MRGBP: variants seen among roughly 807,000 people sequenced by gnomAD.
MRGBP encodes MRG domain binding protein, also known as MRG/MORF4L-binding protein.
MRGBP carries 5 observed loss-of-function variants against 21.5 expected under a neutral mutation model. That is an observed-to-expected ratio of 0.23 (90% CI 0.12 to 0.49). The LOEUF is 0.49. Among genes scored for constraint, MRGBP ranks in the 20% least tolerant of loss-of-function variants. The probability of loss-of-function intolerance (pLI) is 0.98; values close to 1 mark genes in which losing one functional copy is unlikely to be tolerated. For missense variants in MRGBP, 227 were observed against 277.4 expected (o/e 0.82, Z 1.29); for synonymous variants, 118 against 104.4 (o/e 1.13, Z -0.79).
At chr20:62,798,854 G>A in intron 3 of MRGBP, 121 bp from the exon 4 acceptor site, 3 of 1,576,788 alleles carry the variant, frequency 1.9e-6, no homozygotes, top group Non-Finnish European at 1.7e-6. Flanking sequence ...TGAGAGCAGT[G>A]GCTGGACGGA....
At chr20:62,798,502 A>G (rs761488364) in intron 2 of MRGBP, 85 bp from the exon 3 acceptor site, 3 of 1,137,120 alleles carry the variant, frequency 2.6e-6, no homozygotes, top group African/African-American at 3.1e-5. Context: ...GCCTCTCCCC[A>G]AGTGGCTCTT....
At chr20:62,797,770 C>T (rs1990367775) in intron 2 of MRGBP, among the ~76,000 whole-genome samples, 1 of 152,228 alleles carries the variant, frequency 6.6e-6, no homozygotes, top group African/African-American at 2.4e-5. Flanking sequence ...CCTCGCAGAG[C>T]TTGGAGCTGG....
In MRGBP at chr20:62,801,205, C is replaced by G. The variant is rs1443404577; in HGVS notation, c.*1562C>G. The G allele has an allele frequency of 6.6e-6, 1 of 152,274 alleles. No homozygotes were observed. Among genetic ancestry groups the G allele is most frequent in the Non-Finnish European group, 1.5e-5 (1 of 68,070 alleles). The allele number at this position is 152,274 out of a possible 1,614,324, so 9.4% of individuals were successfully genotyped here. A position where few individuals can be genotyped will look rare whatever the true frequency, so the allele number is the denominator to read the frequency against. ...CCCAGGGAAGCTGCTGGTCTACGGC[C>G]TGCCTGAGCTGTATTCCAAGGGTAG... On this transcript the variant is annotated 3_prime_UTR_variant, in exon 5 of 5. Transcript: ENST00000370487.
chr20:62,796,653 C>T lies in MRGBP; in HGVS notation c.130C>T (p.Leu44=), dbSNP rs1160515833. The change falls in exon 1 of 5, where the codon CTG becomes TTG. Residue 44 remains leucine (L), a synonymous_variant. Transcript: ENST00000370487. ...EVEVCLFHAM[L]GHKPVGVNRH... ...GGAGGTGTGCCTCTTCCACGCCATG[C>T]TGGGCCACAAGCCCGTCGGTGAGCG... 1.5e-6 allele frequency: 2 copies of T among 1,332,042 alleles called. No homozygotes were observed. The highest frequency in any genetic ancestry group is 1.8e-5 in the South Asian group (1 of 56,760). 82.5% of individuals were successfully genotyped at this position (1,332,042 alleles called of 1,614,324 possible).
rs1990386786 is a variant in MRGBP, at chr20:62,798,588, A to T, written c.272A>T (p.His91Leu). Residue 91 changes from histidine (H) to leucine (L), a missense_variant and splice_region_variant, in exon 3 of 5, where the codon CAT becomes CTT. Coordinates refer to ENST00000370487, the MANE Select transcript of MRGBP (RefSeq NM_018270.6). ...LSTMYDMQAL[H>L]ESEILPFPNP... ...ACAAAACTCTCTATTTGATATCAGC[A>T]TGAGTCTGAGATTCTTCCATTCCCG... 1 of 1,612,444 alleles carries T rather than the reference A, an allele frequency of 6.2e-7. No homozygotes were observed. Among genetic ancestry groups the T allele is most frequent in the South Asian group, 1.1e-5 (1 of 91,042 alleles).
chr20:62,798,736 G>A, intron 3 of MRGBP, 68 bp downstream of exon 3: 5 of 1,596,786 alleles, frequency 3.1e-6, no homozygotes, highest in Non-Finnish European at 4.3e-6. Flanking sequence ...GCAGGGAGGT[G>A]AGGGTGAGGA....
rs1990466199 is a variant in MRGBP, at chr20:62,801,590, A to T, written c.*1947A>T. On this transcript the variant is annotated 3_prime_UTR_variant, in exon 5 of 5. Coordinates refer to ENST00000370487, the MANE Select transcript of MRGBP (RefSeq NM_018270.6). Reference sequence around the variant, plus strand: ...GCAGGGCAAAGGGGGGCAAATACTAACACGGGGTGTCACGGGATGGCCAGG... The same window carrying T: ...GCAGGGCAAAGGGGGGCAAATACTATCACGGGGTGTCACGGGATGGCCAGG... The T allele has an allele frequency of 6.6e-6, 1 of 152,488 alleles. No homozygotes were observed. The highest frequency in any genetic ancestry group is 1.5e-5 in the Non-Finnish European group (1 of 68,236). The allele number at this position is 152,488 out of a possible 1,614,324, so 9.4% of individuals were successfully genotyped here.
intron 1 of MRGBP, 48 bp from the exon 2 acceptor site, chr20:62,797,062 T>G (rs62198430): frequency 0.078 from 101,868 of 1,313,868 alleles, 4,317 homozygotes; most frequent in African/African-American, 0.2. Flanking sequence ...CTCCATCCCC[T>G]TTCTCCTCAC....
rs1457563518 is a variant in MRGBP, at chr20:62,796,664, G to A, written c.141G>A (p.Lys47=). 4 of 1,318,612 alleles carry A rather than the reference G, an allele frequency of 3.0e-6. No individual in the cohort carries two copies. The highest frequency in any genetic ancestry group is 1.8e-5 in the South Asian group (1 of 55,042). 81.7% of individuals were successfully genotyped at this position (1,318,612 alleles called of 1,614,324 possible). The change falls in exon 1 of 5, where the codon AAG becomes AAA. Residue 47 remains lysine, a synonymous_variant. Coordinates refer to ENST00000370487, the MANE Select transcript of MRGBP (RefSeq NM_018270.6). ...TCTTCCACGCCATGCTGGGCCACAA[G>A]CCCGTCGGTGAGCGCCCAGGCTGCG... ...VCLFHAMLGH[K]PVGVNRHFHM...
chr20:62,797,106 TC>T lies in MRGBP; in HGVS notation c.149-3del. ...GGTTATCCCGCCGCCCCTCCTCCCC[TC>T]AGGTGTGAACCGACACTTCCACATG... is the stretch of plus-strand genomic sequence containing the variant. On this transcript the variant is annotated splice_polypyrimidine_tract_variant and splice_region_variant and intron_variant, in intron 1 of 4. Coordinates refer to ENST00000370487, the MANE Select transcript of MRGBP (RefSeq NM_018270.6). 1 of 1,513,554 alleles carries T rather than the reference TC, an allele frequency of 6.6e-7. No homozygotes were observed. The highest frequency in any genetic ancestry group is 8.9e-7 in the Non-Finnish European group (1 of 1,129,752). 93.8% of individuals were successfully genotyped at this position (1,513,554 alleles called of 1,614,324 possible). A position where few individuals can be genotyped will look rare whatever the true frequency, so the allele number is the denominator to read the frequency against.
chr20:62,797,295 G>A, intron 2 of MRGBP, 64 bp downstream of exon 2: 1 of 1,485,230 alleles, frequency 6.7e-7, no homozygotes, highest in Admixed American at 2.3e-5. Flanking sequence ...CGCTCTCTGA[G>A]AGTCAGCCTG....
At chr20:62,799,158 C>T in intron 4 of MRGBP, 109 bp downstream of exon 4, 5 of 1,162,866 alleles carry the variant, frequency 4.3e-6, no homozygotes, top group Non-Finnish European at 6.1e-6. Context: ...TGCAGAGGCC[C>T]CAGGCAGGTC....
rs148652471 is a variant in MRGBP at position 62,800,492 on chromosome 20, G to C, written c.*849G>C. The C allele has an allele frequency of 6.6e-6, 1 of 152,298 alleles. No individual in the cohort carries two copies. The highest frequency in any genetic ancestry group is 2.4e-5 in the African/African-American group (1 of 41,398). The allele number at this position is 152,298 out of a possible 1,614,324, so 9.4% of individuals were successfully genotyped here. A position where few individuals can be genotyped will look rare whatever the true frequency, so the allele number is the denominator to read the frequency against. Reference sequence around the variant, plus strand: ...CAAACAGACCAAATGGATGAGAGGCGGGGACCGTGCAGCTGTCGGCTGATG... The same window carrying C: ...CAAACAGACCAAATGGATGAGAGGCCGGGACCGTGCAGCTGTCGGCTGATG... On this transcript the variant is annotated 3_prime_UTR_variant, in exon 5 of 5. Coordinates refer to ENST00000370487, the MANE Select transcript of MRGBP (RefSeq NM_018270.6).
At chr20:62,798,469 A>G in intron 2 of MRGBP, 118 bp from the exon 3 acceptor site, 1 of 823,410 alleles carries the variant, frequency 1.2e-6, no homozygotes, top group South Asian at 1.4e-5. Flanking sequence ...CGCAGCCTCC[A>G]ACACAGTGAT....
chr20:62,800,151 T>C lies in MRGBP; in HGVS notation c.*508T>C, dbSNP rs7396. 93,975 of 152,872 alleles carry C rather than the reference T, an allele frequency of 0.61. 30,155 individuals carry two copies. Among genetic ancestry groups the C allele is most frequent in the African/African-American group, 0.82 (34,035 of 41,486 alleles). The allele number at this position is 152,872 out of a possible 1,614,324, so 9.5% of individuals were successfully genotyped here. A position where few individuals can be genotyped will look rare whatever the true frequency, so the allele number is the denominator to read the frequency against. ...CCTCTTTCTGCGCTGACTGTGACAT[T>C]GGAACGTGGCCTTCCTGTCACCCCC... On this transcript the variant is annotated 3_prime_UTR_variant, in exon 5 of 5. Transcript: ENST00000370487.
At position 62,797,432 on chromosome 20, in the gene MRGBP, T is replaced by C. The variant is rs557184254; in HGVS notation, c.270+201T>C. ...AGCTGGGCAGAGGCCCCTCCGTGCCTGCTGGGGTCCCCTGGGCAGAGACCC... is the reference window on the plus strand; with the variant it reads ...AGCTGGGCAGAGGCCCCTCCGTGCCCGCTGGGGTCCCCTGGGCAGAGACCC... On this transcript the variant is annotated intron_variant, in intron 2 of 4. Transcript: ENST00000370487. 2.8e-4 allele frequency among the ~76,000 whole-genome samples: 43 copies of C among 152,252 alleles called. No homozygotes were observed. In the East Asian group the frequency reaches 7.6e-3, roughly 27 times the overall value.
intron 4 of MRGBP, 152 bp from the exon 5 acceptor site, chr20:62,799,304 T>C: frequency 1.1e-6 from 1 of 934,034 alleles, no homozygotes; most frequent in Non-Finnish European, 1.6e-6. Context: ...CAGGCCCCTC[T>C]GTGGGCCCAA....
intron 2 of MRGBP, among the ~76,000 whole-genome samples, chr20:62,798,303 C>T (rs1239321210): frequency 1.3e-5 from 2 of 152,200 alleles, no homozygotes; most frequent in East Asian, 1.9e-4. Flanking sequence ...GCCCGGTCCT[C>T]AGGGCCCGCC....
chr20:62,799,401 CAA>C (rs1258118283), intron 4 of MRGBP, 53 bp from the exon 5 acceptor site: 1 of 1,562,388 alleles, frequency 6.4e-7, no homozygotes, highest in East Asian at 2.3e-5. Flanking sequence ...AACAGGAAGA[CAA>C]AAATAAGATT....
Sources: allele counts gnomAD v4.1 joint callset (sites outside exome capture counted in the v4.1 genomes callset), GRCh38; gene constraint gnomAD v4.1.1; transcripts MANE v1.5; gene names NCBI Gene and HGNC (gene_info 2026-07-23, HGNC 2026-07-21).